CHST8: variants seen among roughly 807,000 people sequenced by gnomAD.
CHST8 encodes carbohydrate sulfotransferase 8, also known as GALNAC-4-ST1.
In CHST8, 10 loss-of-function variants were observed where a neutral mutation model predicts 15.0. The ratio of observed to expected loss-of-function variants is 0.67; its 90% CI spans 0.41 to 1.13. The LOEUF is 1.13. Among genes scored for constraint, CHST8 ranks in the 50% most tolerant of loss-of-function variants. CHST8 has a pLI of 0.00. For missense variants in CHST8, 634 were observed against 608.2 expected (o/e 1.04, Z -0.45); for synonymous variants, 259 against 256.6 (o/e 1.01, Z -0.09).
chr19:33,693,917 G>A (rs1273533610), intron 3 of CHST8, among the ~76,000 whole-genome samples: 1 of 151,202 alleles, frequency 6.6e-6, no homozygotes, highest in African/African-American at 2.4e-5. Flanking sequence ...GCAATGTTCT[G>A]ATTTTATCAC....
chr19:33,719,831 C>T (rs564341088), intron 3 of CHST8, among the ~76,000 whole-genome samples: 50 of 152,246 alleles, frequency 3.3e-4, no homozygotes, highest in African/African-American at 1.2e-3. Flanking sequence ...ACGTGATACC[C>T]ACTGTCTCCT....
intron 3 of CHST8, among the ~76,000 whole-genome samples, chr19:33,751,680 G>T (rs1974423995): frequency 6.6e-6 from 1 of 152,218 alleles, no homozygotes; most frequent in Admixed American, 6.5e-5. Flanking sequence ...GAATCAGACA[G>T]CTCGGGCCTG....
At chr19:33,752,193 C>T (rs555103137) in intron 3 of CHST8, among the ~76,000 whole-genome samples, 7 of 152,328 alleles carry the variant, frequency 4.6e-5, no homozygotes, top group Non-Finnish European at 7.4e-5. Context: ...CCATGCCAAC[C>T]GCAGTTCCCC....
chr19:33,700,759 G>A (rs924659217), intron 3 of CHST8, among the ~76,000 whole-genome samples: 3 of 152,138 alleles, frequency 2.0e-5, no homozygotes, highest in Admixed American at 6.5e-5. Flanking sequence ...CAGAGCCCAG[G>A]GGCACAGAAA....
chr19:33,677,155 C>T (rs1029725144), intron 2 of CHST8, among the ~76,000 whole-genome samples: 1 of 131,990 alleles, frequency 7.6e-6, no homozygotes, highest in African/African-American at 3.4e-5. Flanking sequence ...TGTGATCAGC[C>T]GGCAGGGGGG....
At chr19:33,770,845 G>A (rs1022369379) in intron 3 of CHST8, among the ~76,000 whole-genome samples, 1 of 152,200 alleles carries the variant, frequency 6.6e-6, no homozygotes, top group Non-Finnish European at 1.5e-5. Context: ...AGATCACAAA[G>A]CAAATGCCCA....
rs575269046 is a variant in CHST8, at chr19:33,697,758, G to A, written c.130+8367G>A. Among the ~76,000 whole-genome samples, 52 of 152,324 alleles carry A rather than the reference G, an allele frequency of 3.4e-4. No individual in the cohort carries two copies. The South Asian group carries it at 0.01, about 30-fold the overall frequency. On this transcript the variant is annotated intron_variant, in intron 3 of 4. Transcript: ENST00000650847. ...GTTCCGGACCTGGAGCAGAGCCTGGGCAGAGAGAACAGTGTGGATAAAGGA... is the reference window on the plus strand; with the variant it reads ...GTTCCGGACCTGGAGCAGAGCCTGGACAGAGAGAACAGTGTGGATAAAGGA...
rs1365725815 is a variant in CHST8 at position 33,757,605 on chromosome 19, A to AAAGG, written c.131-13808_131-13807insAAGG. ...GAAAGAAAGAAAGAAAGAAAGAAAGAGCCGGCCATTCAGAAGGGAGCAGAA... is the reference window on the plus strand; with the variant it reads ...GAAAGAAAGAAAGAAAGAAAGAAAGAAAGGGCCGGCCATTCAGAAGGGAGCAGAA... On this transcript the variant is annotated intron_variant, in intron 3 of 4. Transcript: ENST00000650847. Among the ~76,000 whole-genome samples the AAAGG allele has an allele frequency of 3.0e-3, 337 of 112,948 alleles. 56 individuals carry two copies. Among genetic ancestry groups the AAAGG allele is most frequent in the African/African-American group, 0.011 (289 of 27,444 alleles). The allele number at this position is 112,948 out of a possible 152,430, so 74.1% of individuals were successfully genotyped here.
chr19:33,642,271 C>T (rs1204629828), intron 1 of CHST8, among the ~76,000 whole-genome samples: 6 of 152,084 alleles, frequency 3.9e-5, no homozygotes, highest in African/African-American at 7.3e-5. Flanking sequence ...CCCAGGACCC[C>T]GTGGATGAGT....
chr19:33,734,285 A>G (rs4805931), intron 3 of CHST8, among the ~76,000 whole-genome samples: 5,115 of 152,314 alleles, frequency 0.034, 87 homozygotes, highest in African/African-American at 0.045. Context: ...TCTATAAAGG[A>G]GAGGCATGAA....
At chr19:33,716,902 G>A (rs1973675152) in intron 3 of CHST8, among the ~76,000 whole-genome samples, 1 of 152,152 alleles carries the variant, frequency 6.6e-6, no homozygotes, top group Non-Finnish European at 1.5e-5. Flanking sequence ...TTTCTCCTGG[G>A]TTTGTAGATG....
At chr19:33,689,481 T>TG in intron 3 of CHST8, 90 bp downstream of exon 3, 1 of 1,389,322 alleles carries the variant, frequency 7.2e-7, no homozygotes, top group South Asian at 1.6e-5. Flanking sequence ...GTGCTGGGCT[T>TG]GGGGGAAAGG....
chr19:33,758,866 C>T (rs546277125), intron 3 of CHST8, among the ~76,000 whole-genome samples: 2 of 152,170 alleles, frequency 1.3e-5, no homozygotes, highest in South Asian at 4.1e-4. Context: ...TTCATTGGCT[C>T]ACGGCTCTGC....
At chr19:33,698,187 G>A (rs996039350) in intron 3 of CHST8, among the ~76,000 whole-genome samples, 1 of 152,180 alleles carries the variant, frequency 6.6e-6, no homozygotes, top group African/African-American at 2.4e-5. Flanking sequence ...TGAGGCAGGA[G>A]AATTGCTTGA....
At chr19:33,701,311 A>G (rs541218173) in intron 3 of CHST8, among the ~76,000 whole-genome samples, 1 of 152,160 alleles carries the variant, frequency 6.6e-6, no homozygotes, top group Non-Finnish European at 1.5e-5. Context: ...CCTGCAGAAG[A>G]CACCCTGGGG....
chr19:33,731,866 C>T (rs1974000368), intron 3 of CHST8, among the ~76,000 whole-genome samples: 2 of 152,208 alleles, frequency 1.3e-5, no homozygotes, highest in African/African-American at 4.8e-5. Context: ...GCACTGTTCT[C>T]CTTGCTGGCT....
intron 1 of CHST8, among the ~76,000 whole-genome samples, chr19:33,634,040 G>A (rs563160520): frequency 6.6e-6 from 1 of 151,944 alleles, no homozygotes; most frequent in East Asian, 1.9e-4. Context: ...GGCTGGTCTC[G>A]AACTCCTGGG....
intron 3 of CHST8, among the ~76,000 whole-genome samples, chr19:33,758,927 G>T (rs79514522): frequency 0.017 from 2,650 of 152,246 alleles, 30 homozygotes; most frequent in East Asian, 0.027. Context: ...CTTGGCGGGG[G>T]GGGGCGGTGC....
At chr19:33,687,826 G>T (rs1973011677) in intron 2 of CHST8, among the ~76,000 whole-genome samples, 1 of 152,154 alleles carries the variant, frequency 6.6e-6, no homozygotes, top group South Asian at 2.1e-4. Context: ...CCCAGTGCCT[G>T]GGTCCGTGTT....
Sources: allele counts gnomAD v4.1 joint callset (sites outside exome capture counted in the v4.1 genomes callset), GRCh38; gene constraint gnomAD v4.1.1; transcripts MANE v1.5; gene names NCBI Gene and HGNC (gene_info 2026-07-23, HGNC 2026-07-21).